DLGAP2: variants seen among roughly 807,000 people sequenced by gnomAD.
DLGAP2 encodes the protein disks large-associated protein 2.
In DLGAP2, 26 loss-of-function variants were observed where a neutral mutation model predicts 100.3. The observed-to-expected ratio is 0.26, with a 90% CI of 0.19 to 0.36. The LOEUF is 0.36. Ranked by LOEUF, DLGAP2 falls within the 10% of genes least tolerant of loss-of-function variation. The pLI, the probability that DLGAP2 is intolerant of heterozygous loss-of-function variation, is 1.00. For synonymous variants in DLGAP2, 886 were observed against 630.1 expected (o/e 1.41, Z -6.08); for missense variants, 1,858 against 1,453.2 (o/e 1.28, Z -4.53).
At chr8:1,057,031 A>C (rs908398996) in intron 2 of DLGAP2, among the ~76,000 whole-genome samples, 20 of 152,376 alleles carry the variant, frequency 1.3e-4, no homozygotes, top group African/African-American at 4.6e-4. Flanking sequence ...TGGACCCACC[A>C]GAATAATCCA....
At chr8:1,230,324 C>T (rs1798509766) in intron 2 of DLGAP2, among the ~76,000 whole-genome samples, 1 of 152,074 alleles carries the variant, frequency 6.6e-6, no homozygotes, top group Admixed American at 6.5e-5. Flanking sequence ...AAGATATCTA[C>T]ACGGAGAACT....
chr8:1,139,978 C>T (rs1437665990), intron 2 of DLGAP2, among the ~76,000 whole-genome samples: 1 of 152,168 alleles, frequency 6.6e-6, no homozygotes, highest in Admixed American at 6.5e-5. Flanking sequence ...GGGCCTGAGC[C>T]AGCCTTGCTG....
chr8:1,378,843 G>A (rs1311038463), intron 3 of DLGAP2, among the ~76,000 whole-genome samples: 1 of 152,124 alleles, frequency 6.6e-6, no homozygotes, highest in Non-Finnish European at 1.5e-5. Flanking sequence ...TCTCTGAGGA[G>A]TCTGTGCCGT....
At position 1,240,782 on chromosome 8, in the gene DLGAP2, T is replaced by A. The variant is rs74611353; in HGVS notation, c.74-18069T>A. Among the ~76,000 whole-genome samples the A allele has an allele frequency of 2.4e-4, 2 of 8,396 alleles. 1 individual carries two copies. The highest frequency in any genetic ancestry group is 5.2e-4 in the Non-Finnish European group (2 of 3,842). The allele number at this position is 8,396 out of a possible 152,430, so 5.5% of individuals were successfully genotyped here. A position where few individuals can be genotyped will look rare whatever the true frequency, so the allele number is the denominator to read the frequency against. The stretch of plus-strand genomic sequence containing the variant: ...CGCCGTGTCTAGTTGTCTCACATGG[T>A]GCCGTTTCTAGTTCTTTCACATGGC... On this transcript the variant is annotated intron_variant, in intron 2 of 14. Coordinates refer to ENST00000637795, the MANE Select transcript of DLGAP2 (RefSeq NM_001346810.2).
intron 2 of DLGAP2, among the ~76,000 whole-genome samples, chr8:964,360 C>T (rs1282848725): frequency 6.6e-6 from 1 of 152,236 alleles, no homozygotes; most frequent in Non-Finnish European, 1.5e-5. Context: ...GACTCTGCTG[C>T]GACGCAGTTG....
intron 3 of DLGAP2, among the ~76,000 whole-genome samples, chr8:1,343,958 T>C (rs1252933756): frequency 6.6e-6 from 1 of 152,196 alleles, no homozygotes; most frequent in Admixed American, 6.5e-5. Context: ...AGGGCAGGTG[T>C]ACAGAGAAAC....
chr8:1,386,474 A>G (rs983142098), intron 3 of DLGAP2, among the ~76,000 whole-genome samples: 4 of 152,180 alleles, frequency 2.6e-5, no homozygotes, highest in Non-Finnish European at 5.9e-5. Flanking sequence ...AGCTGGGAGA[A>G]CCTGCAGAAT....
intron 3 of DLGAP2, among the ~76,000 whole-genome samples, chr8:1,317,966 C>G (rs796997975): frequency 2.5e-5 from 1 of 39,966 alleles, no homozygotes; most frequent in Non-Finnish European, 4.4e-5. Flanking sequence ...TGCAGCGTCT[C>G]TCCAACAGTG....
chr8:945,491 C>G (rs1232549719), intron 2 of DLGAP2, among the ~76,000 whole-genome samples: 1 of 152,178 alleles, frequency 6.6e-6, no homozygotes, highest in African/African-American at 2.4e-5. Flanking sequence ...ACTAAACTCA[C>G]GAAGAATGAG....
intron 6 of DLGAP2, among the ~76,000 whole-genome samples, chr8:1,575,707 G>C (rs1256819069): frequency 2.1e-5 from 3 of 143,970 alleles, no homozygotes; most frequent in African/African-American, 7.8e-5. Flanking sequence ...CTATGAGTGA[G>C]AACATGTGGT....
intron 2 of DLGAP2, among the ~76,000 whole-genome samples, chr8:1,145,922 G>T (rs1301613840): frequency 1.3e-5 from 2 of 151,548 alleles, no homozygotes; most frequent in Non-Finnish European, 2.9e-5. Flanking sequence ...TTTCATCCAT[G>T]TCCCTACAAA....
Position 1,701,470 on chromosome 8 carries a change from C to T in DLGAP2, c.*64C>T, listed in dbSNP as rs896438541. On this transcript the variant is annotated 3_prime_UTR_variant, in exon 15 of 15. Transcript: ENST00000637795. Reference sequence around the variant, plus strand: ...TCCCGGACGCTTGTGCAGCGCGGCGCCGCCCTGGTGGTTTCTGTCTCCTCC... The same window carrying T: ...TCCCGGACGCTTGTGCAGCGCGGCGTCGCCCTGGTGGTTTCTGTCTCCTCC... The T allele has an allele frequency of 1.3e-6, 2 of 1,487,452 alleles. No homozygotes were observed. The highest frequency in any genetic ancestry group is 1.4e-5 in the African/African-American group (1 of 71,326). 92.1% of individuals were successfully genotyped at this position (1,487,452 alleles called of 1,614,324 possible). A position where few individuals can be genotyped will look rare whatever the true frequency, so the allele number is the denominator to read the frequency against.
intron 4 of DLGAP2, among the ~76,000 whole-genome samples, chr8:1,528,070 T>C (rs73172594): frequency 0.078 from 11,815 of 152,296 alleles, 526 homozygotes; most frequent in South Asian, 0.16. Flanking sequence ...GGAGGAACCA[T>C]CAATAACGTG....
At chr8:1,138,908 C>G (rs922628841) in intron 2 of DLGAP2, among the ~76,000 whole-genome samples, 1 of 151,960 alleles carries the variant, frequency 6.6e-6, no homozygotes, top group Non-Finnish European at 1.5e-5. Context: ...GGAGACTCCT[C>G]CTGTTTATTT....
intron 2 of DLGAP2, among the ~76,000 whole-genome samples, chr8:1,020,330 A>C (rs915368148): frequency 6.6e-6 from 1 of 152,212 alleles, no homozygotes; most frequent in African/African-American, 2.4e-5. Flanking sequence ...GCTGTCATGA[A>C]GCCCCTGACT....
At chr8:1,338,065 G>A (rs1437570254) in intron 3 of DLGAP2, among the ~76,000 whole-genome samples, 4 of 152,220 alleles carry the variant, frequency 2.6e-5, no homozygotes, top group Non-Finnish European at 5.9e-5. Context: ...GAGAAACCAG[G>A]CCCTTCAGAG....
chr8:1,423,857 C>A (rs753489859), intron 3 of DLGAP2, among the ~76,000 whole-genome samples: 1 of 152,170 alleles, frequency 6.6e-6, no homozygotes, highest in Non-Finnish European at 1.5e-5. Flanking sequence ...GACACTTGCA[C>A]GTCTACAGCC....
At chr8:986,906 C>T (rs1320700428) in intron 2 of DLGAP2, among the ~76,000 whole-genome samples, 1 of 152,084 alleles carries the variant, frequency 6.6e-6, no homozygotes, top group Non-Finnish European at 1.5e-5. Flanking sequence ...GTGATCCACC[C>T]GTCTCGACCT....
chr8:817,675 T>TC (rs779698152), intron 1 of DLGAP2, among the ~76,000 whole-genome samples: 7 of 152,186 alleles, frequency 4.6e-5, no homozygotes, highest in Non-Finnish European at 8.8e-5. Flanking sequence ...TGTGGTGTTC[T>TC]CCCCCTTCCC....
Sources: gnomAD v4.1 joint callset for allele counts (sites outside exome capture counted in the v4.1 genomes callset) on GRCh38, gnomAD v4.1.1 for gene constraint, MANE v1.5 for transcripts, NCBI Gene and HGNC (gene_info 2026-07-23, HGNC 2026-07-21) for gene names.